Variants in LRRN4 observed in about 807,000 individuals in gnomAD.
LRRN4 encodes the protein leucine rich repeat neuronal 4.
LRRN4 carries 26 observed loss-of-function variants against 22.3 expected under a neutral mutation model. The observed-to-expected ratio is 1.16, with a 90% CI of 0.85 to 1.62. LRRN4 has a LOEUF of 1.62. Among genes scored for constraint, LRRN4 ranks in the 40% most tolerant of loss-of-function variants. LRRN4 has a pLI of 0.00. For missense variants in LRRN4, 1,070 were observed against 1,008.5 expected, an observed-to-expected ratio of 1.06 and a Z score of -0.83; for synonymous variants, 496 against 486.2, an observed-to-expected ratio of 1.02 and a Z score of -0.26.
In LRRN4 at chr20:6,041,398, G is replaced by C; in HGVS notation, c.1847C>G (p.Ala616Gly). 1.9e-6 allele frequency: 3 copies of C among 1,572,694 alleles called. No homozygotes were observed. The East Asian group carries it at 6.7e-5, about 35-fold the overall frequency. ...VVHGYQIRYS[A>G]EGWAGNQSVV... The stretch of plus-strand genomic sequence containing the variant: ...CGACTGGTTCCCCGCCCAGCCCTCC[G>C]CAGAGTAGCGGATCTGGTACCCATG... Residue 616 changes from alanine (A) to glycine (G), a missense_variant, in exon 5 of 5, where the codon GCG becomes GGG. Transcript: ENST00000378858. The surrounding 1 kb of genome is among the most constrained non-coding windows in gnomAD (Gnocchi z 9.4).
chr20:6,045,262 A>G (rs1981076222), intron 3 of LRRN4, among the ~76,000 whole-genome samples: 1 of 148,178 alleles, frequency 6.7e-6, no homozygotes, highest in Admixed American at 6.8e-5. Flanking sequence ...AACATGGTGA[A>G]ACTCTGTCTG....
rs772758043 is a variant in LRRN4 at position 6,052,369 on chromosome 20, G to T, written c.431C>A (p.Ala144Glu). 1 of 1,518,230 alleles carries T rather than the reference G, an allele frequency of 6.6e-7. No homozygotes were observed. The allele number at this position is 1,518,230 out of a possible 1,614,324, so 94.0% of individuals were successfully genotyped here. ...CGCCAGGGCGCGGAGGCTGCTCAGC[G>T]CGGGCCCGGTGCACGGCGGCAGAGC... is the stretch of plus-strand genomic sequence containing the variant. The part of the protein sequence containing the change: ...LAALPPCTGP[A>E]LSSLRALALA... Residue 144 changes from alanine to glutamate, a missense_variant, in exon 2 of 5, where the codon GCG becomes GAG. Coordinates refer to ENST00000378858, the MANE Select transcript of LRRN4 (RefSeq NM_152611.5).
Position 6,040,927 on chromosome 20 carries a change from A to T in LRRN4, c.*95T>A. 1 of 1,517,614 alleles carries T rather than the reference A, an allele frequency of 6.6e-7. No homozygotes were observed. Among genetic ancestry groups the T allele is most frequent in the East Asian group, 2.3e-5 (1 of 44,076 alleles). 94.0% of individuals were successfully genotyped at this position (1,517,614 alleles called of 1,614,324 possible). A position where few individuals can be genotyped will look rare whatever the true frequency, so the allele number is the denominator to read the frequency against. The stretch of plus-strand genomic sequence containing the variant: ...GCATTCTGGCTTCACGGGAATTAGA[A>T]ACCCTAGGAGCGGATGGGGTCGTTT... On this transcript the variant is annotated 3_prime_UTR_variant, in exon 5 of 5. Coordinates refer to ENST00000378858, the MANE Select transcript of LRRN4 (RefSeq NM_152611.5).
chr20:6,049,044 G>T (rs1331096278), intron 3 of LRRN4, among the ~76,000 whole-genome samples: 1 of 152,200 alleles, frequency 6.6e-6, no homozygotes, highest in African/African-American at 2.4e-5. Flanking sequence ...CACTGACTTG[G>T]CAGCTGATGT....
In LRRN4 at chr20:6,042,103, G is replaced by A. The variant is rs990179729; in HGVS notation, c.1142C>T (p.Ser381Phe). 1.5e-5 allele frequency: 25 copies of A among 1,614,048 alleles called. No homozygotes were observed. Among genetic ancestry groups the A allele is most frequent in the Middle Eastern group, 1.6e-4 (1 of 6,084 alleles). ...GACGGTGGTACCCTGTGCGTAGGTG[G>A]AGCGGTTGAAGCAAGGTGGGTGTGA... ...GASHPPCFNR[S>F]TYAQGTTVAP... The change falls in exon 5 of 5, where the codon TCC becomes TTC. Residue 381 changes from serine (S) to phenylalanine (F), a missense_variant. Physicochemically the swap from Ser to Phe is radical, Grantham distance 155 (BLOSUM62 -2). Coordinates refer to ENST00000378858, the MANE Select transcript of LRRN4 (RefSeq NM_152611.5).
chr20:6,049,477 G>A (rs1423968181), intron 3 of LRRN4, among the ~76,000 whole-genome samples: 2 of 152,022 alleles, frequency 1.3e-5, no homozygotes, highest in Non-Finnish European at 2.9e-5. Context: ...GCCACTGTCA[G>A]TGTTCTCACC....
At chr20:6,046,344 G>T (rs1428639887) in intron 3 of LRRN4, among the ~76,000 whole-genome samples, 2 of 148,168 alleles carry the variant, frequency 1.3e-5, no homozygotes, top group Non-Finnish European at 3.0e-5. Context: ...AGGAGGAGCT[G>T]CAGTCATGTT....
intron 4 of LRRN4, among the ~76,000 whole-genome samples, chr20:6,043,443 T>G (rs776095413): frequency 6.6e-6 from 1 of 151,698 alleles, no homozygotes; most frequent in Admixed American, 6.6e-5. Flanking sequence ...TAGTAGTAAG[T>G]AGGATGAAGC....
chr20:6,044,427 A>C, intron 4 of LRRN4, 116 bp downstream of exon 4: 2 of 1,111,778 alleles, frequency 1.8e-6, no homozygotes, highest in South Asian at 7.4e-5. Context: ...AAGGCTGCCC[A>C]GCCCAACATG....
At position 6,041,286 on chromosome 20, in the gene LRRN4, C is replaced by T. The variant is rs147565637; in HGVS notation, c.1959G>A (p.Ala653=). 2.6e-5 allele frequency: 41 copies of T among 1,592,426 alleles called. No homozygotes were observed. Among genetic ancestry groups the T allele is most frequent in the Non-Finnish European group, 3.5e-5 (41 of 1,172,480 alleles). Residue 653 remains alanine, a synonymous_variant, in exon 5 of 5, where the codon GCG becomes GCA. Coordinates refer to ENST00000378858, the MANE Select transcript of LRRN4 (RefSeq NM_152611.5). This position sits in a 1 kb window ranked among gnomAD's most constrained non-coding sequence, Gnocchi z 9.4. ...PGTTYRVCVL[A]ANRAGLSQPR... ...GCTGGCTCAAGCCCGCCCTGTTGGC[C>T]GCCAGCACGCACACGCGGTAGGTGG...
intron 3 of LRRN4, 133 bp downstream of exon 3, chr20:6,050,646 A>G (rs1981220540): frequency 1.1e-6 from 1 of 922,360 alleles, no homozygotes; most frequent in Non-Finnish European, 1.7e-6. Flanking sequence ...AGGGTGGGGG[A>G]AAACAAAGCC....
intron 3 of LRRN4, among the ~76,000 whole-genome samples, chr20:6,049,318 G>T (rs903345590): frequency 2.0e-5 from 3 of 152,156 alleles, no homozygotes; most frequent in African/African-American, 7.2e-5. Context: ...ATCATGATGT[G>T]TTATGATAAG....
Position 6,041,201 on chromosome 20 carries a change from G to C in LRRN4, c.2044C>G (p.Leu682Val), listed in dbSNP as rs765103253. The part of the protein sequence containing the change: ...AAFTTKPSFA[L>V]LLSGLCAASG... ...GCGGCGCACAGCCCAGAGAGCAGGA[G>C]CGCGAAGCTGGGCTTGGTGGTGAAG... Residue 682 changes from leucine to valine, a missense_variant, in exon 5 of 5, where the codon CTC becomes GTC. Coordinates refer to ENST00000378858, the MANE Select transcript of LRRN4 (RefSeq NM_152611.5). The surrounding 1 kb of genome is among the most constrained non-coding windows in gnomAD (Gnocchi z 9.4). 5 of 1,589,400 alleles carry C rather than the reference G, an allele frequency of 3.1e-6. No individual in the cohort carries two copies. The African/African-American group carries it at 6.7e-5, about 21-fold the overall frequency.
chr20:6,044,560 C>T lies in LRRN4; in HGVS notation c.981G>A (p.Lys327=). 3 of 1,583,492 alleles carry T rather than the reference C, an allele frequency of 1.9e-6. No homozygotes were observed. Among genetic ancestry groups the T allele is most frequent in the Non-Finnish European group, 2.6e-6 (3 of 1,165,824 alleles). The part of the protein sequence containing the change: ...CDLSWLLTDA[K]RTVLSRAADT... ...TGTGTTACCTGCTTAGGACAGTTCT[C>T]TTTGCATCCGTGAGGAGCCAAGACA... is the stretch of plus-strand genomic sequence containing the variant. Residue 327 remains lysine (K), a synonymous_variant, in exon 4 of 5, where the codon AAG becomes AAA. Coordinates refer to ENST00000378858, the MANE Select transcript of LRRN4 (RefSeq NM_152611.5).
chr20:6,047,038 TAGTG>T (rs1160737956), intron 3 of LRRN4, among the ~76,000 whole-genome samples: 4 of 152,226 alleles, frequency 2.6e-5, no homozygotes, highest in African/African-American at 9.6e-5. Flanking sequence ...TATGACGACT[TAGTG>T]AGGTAGACAG....
intron 4 of LRRN4, 71 bp from the exon 5 acceptor site, chr20:6,042,317 C>T: frequency 1.3e-6 from 2 of 1,493,068 alleles, no homozygotes; most frequent in Non-Finnish European, 8.9e-7. Context: ...TTTGAATCCT[C>T]ATTGCCGACG....
intron 4 of LRRN4, among the ~76,000 whole-genome samples, chr20:6,042,999 C>G (rs535158216): frequency 6.6e-6 from 1 of 152,222 alleles, no homozygotes; most frequent in East Asian, 1.9e-4. Flanking sequence ...CTTCACACTC[C>G]AATGTGTCAA....
Position 6,041,973 on chromosome 20 carries a change from A to G in LRRN4, c.1272T>C (p.Asp424=), listed in dbSNP as rs548743423. 10 of 1,614,054 alleles carry G rather than the reference A, an allele frequency of 6.2e-6. No individual in the cohort carries two copies. Among genetic ancestry groups the G allele is most frequent in the Non-Finnish European group, 8.5e-6 (10 of 1,180,016 alleles). The change falls in exon 5 of 5, where the codon GAT becomes GAC. Residue 424 remains aspartate, a synonymous_variant. Transcript: ENST00000378858. The surrounding 1 kb of genome is among the most constrained non-coding windows in gnomAD (Gnocchi z 9.4). ...TGGAGGGGGCAGTCCCCTCCCGTGC[A>G]TCGCTGTGCGGCCATGCAGCTATCG... ...SRTIAAWPHS[D]AREGTAPSTT... is the part of the protein sequence containing the mutation.
chr20:6,043,615 A>G (rs924570098), intron 4 of LRRN4, among the ~76,000 whole-genome samples: 4 of 151,764 alleles, frequency 2.6e-5, no homozygotes, highest in East Asian at 2.0e-4. Flanking sequence ...GAGATGAGAA[A>G]AGAATCTTGG....
Sources: allele counts gnomAD v4.1 joint callset (sites outside exome capture counted in the v4.1 genomes callset), GRCh38; gene constraint gnomAD v4.1.1; non-coding constraint Gnocchi (gnomAD v3.1); transcripts MANE v1.5; gene names NCBI Gene and HGNC (gene_info 2026-07-23, HGNC 2026-07-21).